SLC36A1: variants seen among roughly 807,000 people sequenced by gnomAD.
SLC36A1 encodes the protein proton-coupled amino acid transporter 1.
In SLC36A1, 30 loss-of-function variants were observed where a neutral mutation model predicts 47.5. That is an observed-to-expected ratio of 0.63 (90% CI 0.47 to 0.86). SLC36A1 has a LOEUF of 0.86. Ranked by LOEUF, SLC36A1 falls within the 40% of genes least tolerant of loss-of-function variation. The pLI, the probability that SLC36A1 is intolerant of heterozygous loss-of-function variation, is 0.00. For missense variants in SLC36A1, 517 were observed against 606.0 expected (o/e 0.85, Z 1.54); for synonymous variants, 255 against 249.7 (o/e 1.02, Z -0.20).
At chr5:151,448,485 A>G (rs971756513) in intron 1 of SLC36A1, among the ~76,000 whole-genome samples, 7 of 152,278 alleles carry the variant, frequency 4.6e-5, no homozygotes, top group African/African-American at 1.4e-4. Flanking sequence ...TTTTTCTGCA[A>G]ACTCATCCTT....
downstream of SLC36A1, among the ~76,000 whole-genome samples, chr5:151,496,333 C>T (rs945451094): frequency 6.6e-6 from 1 of 152,166 alleles, no homozygotes; most frequent in Non-Finnish European, 1.5e-5. Context: ...TCGAATTAAA[C>T]CTCTTTCTTT....
At chr5:151,464,460 T>G in intron 3 of SLC36A1, 54 bp from the exon 4 acceptor site, 1 of 1,500,426 alleles carries the variant, frequency 6.7e-7, no homozygotes. Context: ...TTGGGTTCAC[T>G]CCTAATTCTA....
At chr5:151,500,160 T>C in the SLC36A1 span, among the ~76,000 whole-genome samples, 1 of 152,138 alleles carries the variant, frequency 6.6e-6, no homozygotes, top group African/African-American at 2.4e-5. Context: ...ATCAGTCCCC[T>C]GTATTTGTAA....
At chr5:151,444,110 A>G (rs79880138), upstream of SLC36A1, among the ~76,000 whole-genome samples, 887 of 152,276 alleles carry the variant, frequency 5.8e-3, 11 homozygotes, top group African/African-American at 0.02. Flanking sequence ...TGATGCATCC[A>G]GTTTGTTTTT....
At chr5:151,411,100 A>G in the SLC36A1 span, among the ~76,000 whole-genome samples, 1 of 144,742 alleles carries the variant, frequency 6.9e-6, no homozygotes, top group Non-Finnish European at 1.5e-5. Context: ...GCCTTATTTT[A>G]AAAGTGTGAC....
the SLC36A1 span, chr5:151,553,331 A>G: frequency 1.2e-5 from 19 of 1,614,124 alleles, no homozygotes; most frequent in Non-Finnish European, 1.5e-5. Flanking sequence ...GGATCCACTC[A>G]ATGTGTAGCC....
intron 10 of SLC36A1, among the ~76,000 whole-genome samples, chr5:151,482,615 TTTAG>T (rs1487440294): frequency 6.6e-6 from 1 of 152,224 alleles, no homozygotes; most frequent in Non-Finnish European, 1.5e-5. Flanking sequence ...TCACATTTTA[TTTAG>T]TTTTATATCA....
At chr5:151,384,355 A>T in the SLC36A1 span, among the ~76,000 whole-genome samples, 15 of 152,332 alleles carry the variant, frequency 9.8e-5, no homozygotes, top group African/African-American at 3.4e-4. Flanking sequence ...CAGTTCTTAC[A>T]TATTAGGTGT....
upstream of SLC36A1, among the ~76,000 whole-genome samples, chr5:151,435,015 A>T (rs1176990123): frequency 1.3e-5 from 2 of 152,242 alleles, no homozygotes; most frequent in African/African-American, 4.8e-5. Context: ...ATTTGAAAAG[A>T]TAATGGCTGA....
intron 7 of SLC36A1, among the ~76,000 whole-genome samples, chr5:151,471,507 A>C (rs1330105502): frequency 6.6e-6 from 1 of 152,204 alleles, no homozygotes; most frequent in Non-Finnish European, 1.5e-5. Flanking sequence ...GGAGTCATTC[A>C]CTAACCAACA....
the SLC36A1 span, chr5:151,521,963 C>T: frequency 6.2e-7 from 1 of 1,614,214 alleles, no homozygotes; most frequent in Non-Finnish European, 8.5e-7. Context: ...CCCTGGAACT[C>T]ATCCTCTCCA....
the SLC36A1 span, among the ~76,000 whole-genome samples, chr5:151,500,699 A>C: frequency 6.6e-6 from 1 of 152,130 alleles, no homozygotes; most frequent in African/African-American, 2.4e-5. Context: ...ATTAAATGAG[A>C]TAAGACGCTG....
rs537199605 is a variant in SLC36A1 at position 151,479,790 on chromosome 5, T to C, written c.1159+301T>C. ...CATGCGATTACTATCCCATATTAAATAAGGTAAAGGTCTGAAAGCCATTTA... is the reference window on the plus strand; with the variant it reads ...CATGCGATTACTATCCCATATTAAACAAGGTAAAGGTCTGAAAGCCATTTA... On this transcript the variant is annotated intron_variant, in intron 10 of 10. Transcript: ENST00000243389. The C allele has an allele frequency of 4.9e-5, 26 of 526,524 alleles. No homozygotes were observed. The South Asian group carries it at 7.8e-4, about 16-fold the overall frequency. 32.6% of individuals were successfully genotyped at this position (526,524 alleles called of 1,614,324 possible).
intron 9 of SLC36A1, among the ~76,000 whole-genome samples, chr5:151,478,571 G>T (rs548685242): frequency 9.3e-4 from 142 of 152,310 alleles, no homozygotes; most frequent in African/African-American, 2.7e-3. Context: ...AAATAGGCTT[G>T]TGACATTTTA....
At chr5:151,537,133 A>C in the SLC36A1 span, among the ~76,000 whole-genome samples, 1 of 152,118 alleles carries the variant, frequency 6.6e-6, no homozygotes, top group South Asian at 2.1e-4. Flanking sequence ...CATAGCTAGC[A>C]AAAAGACAGA....
chr5:151,542,845 TTGG>T, the SLC36A1 span: 2 of 1,614,168 alleles, frequency 1.2e-6, no homozygotes, highest in Non-Finnish European at 1.7e-6. Context: ...CTGGTACAAT[TTGG>T]TGGATTCGTG....
chr5:151,372,283 G>C, the SLC36A1 span, among the ~76,000 whole-genome samples: 1 of 152,054 alleles, frequency 6.6e-6, no homozygotes, highest in South Asian at 2.1e-4. Flanking sequence ...TGGGAGTTGA[G>C]GGACATGACT....
chr5:151,488,238 C>T lies in SLC36A1; in HGVS notation c.1415C>T (p.Thr472Ile). The T allele has an allele frequency of 6.2e-7, 1 of 1,614,110 alleles. No homozygotes were observed. The change falls in exon 11 of 11, where the codon ACC (threonine) becomes ATC (isoleucine). Residue 472 changes from threonine (T) to isoleucine (I), a missense_variant. By Grantham distance (89) the Thr-to-Ile change is moderately conservative (BLOSUM62 -1). Coordinates refer to ENST00000243389, the MANE Select transcript of SLC36A1 (RefSeq NM_078483.4). ...PSNAPIFINS[T>I]CAFI is the part of the protein sequence containing the mutation. ...AATGCTCCCATCTTCATCAATTCCA[C>T]CTGTGCCTTCATATAGGGATCTGGG...
At chr5:151,421,580 CTT>C in the SLC36A1 span, among the ~76,000 whole-genome samples, 9 of 134,864 alleles carry the variant, frequency 6.7e-5, no homozygotes, top group Admixed American at 7.6e-5. Flanking sequence ...TTCTTTCTTT[CTT>C]TTTTTTTTTT....
Sources: gnomAD v4.1 joint callset for allele counts (sites outside exome capture counted in the v4.1 genomes callset) on GRCh38, gnomAD v4.1.1 for gene constraint, MANE v1.5 for transcripts, NCBI Gene and HGNC (gene_info 2026-07-23, HGNC 2026-07-21) for gene names.